WNT2: variants seen among roughly 807,000 people sequenced by gnomAD.
WNT2 encodes the protein protein Wnt-2.
WNT2 carries 12 observed loss-of-function variants against 36.9 expected under a neutral mutation model. The ratio of observed to expected loss-of-function variants is 0.33; its 90% confidence interval spans 0.21 to 0.53. The LOEUF is 0.53. WNT2 is among the 20% of genes least tolerant of loss of function. The pLI is 0.95. For synonymous variants in WNT2, 163 were observed against 174.6 expected (o/e 0.93, Z 0.52); for missense variants, 379 against 473.1 (o/e 0.80, Z 1.84).
intron 4 of WNT2, among the ~76,000 whole-genome samples, chr7:117,285,774 G>C (rs999254953): frequency 6.6e-6 from 1 of 152,170 alleles, no homozygotes; most frequent in Non-Finnish European, 1.5e-5. Context: ...TCTTATTGCA[G>C]TTTGATTTAC....
At chr7:117,303,725 C>T (rs1310727782) in intron 3 of WNT2, among the ~76,000 whole-genome samples, 1 of 152,218 alleles carries the variant, frequency 6.6e-6, no homozygotes, top group Admixed American at 6.5e-5. Flanking sequence ...ATATTATTAA[C>T]TGCACAGCCA....
rs549135652 is a variant in WNT2 at position 117,306,293 on chromosome 7, T to C, written c.589-8417A>G. On this transcript the variant is annotated intron_variant, in intron 3 of 4. Coordinates refer to ENST00000265441, the MANE Select transcript of WNT2 (RefSeq NM_003391.3). ...CACATTCTTGAGTCAGTTTGCACTT[T>C]GAAATGTTCTGGAAGGAGACAAGGA... 4.6e-5 allele frequency among the ~76,000 whole-genome samples: 7 copies of C among 152,332 alleles called. No individual in the cohort carries two copies. In the East Asian group the frequency reaches 5.8e-4, roughly 13 times the overall value.
rs377333523 is a variant in WNT2, at chr7:117,293,239, A to G, written c.853+4373T>C. ...AAAGTAGACCAGACCTGTAGACTGC[A>G]TCAGTTGCACAAACCTAATTGATAA... On this transcript the variant is annotated intron_variant, in intron 4 of 4. Transcript: ENST00000265441. Among the ~76,000 whole-genome samples, 42 of 152,336 alleles carry G rather than the reference A, an allele frequency of 2.8e-4. No homozygotes were observed. The South Asian group carries it at 8.1e-3, about 29-fold the overall frequency.
rs750548141 is a variant in WNT2, at chr7:117,284,996, G to A, written c.854-6612C>T. Among the ~76,000 whole-genome samples, 75 of 152,174 alleles carry A rather than the reference G, an allele frequency of 4.9e-4. 1 individual carries two copies. Among genetic ancestry groups the A allele is most frequent in the Non-Finnish European group, 8.2e-4 (56 of 68,022 alleles). ...TGCCGAGTGCCCAGTCCTGGTGCCC[G>A]GCCAGGCACCAGAAAGCAGCCTGCT... On this transcript the variant is annotated intron_variant, in intron 4 of 4. Coordinates refer to ENST00000265441, the MANE Select transcript of WNT2 (RefSeq NM_003391.3). This position sits in a 1 kb window ranked among gnomAD's most constrained non-coding sequence, Gnocchi z 5.2.
At chr7:117,311,962 G>A (rs959784466) in intron 3 of WNT2, among the ~76,000 whole-genome samples, 1 of 152,092 alleles carries the variant, frequency 6.6e-6, no homozygotes, top group Admixed American at 6.6e-5. Context: ...CACCTTTTAG[G>A]GAAAGTATTT....
At chr7:117,316,101 A>C (rs573795295) in intron 2 of WNT2, among the ~76,000 whole-genome samples, 1 of 152,310 alleles carries the variant, frequency 6.6e-6, no homozygotes, top group African/African-American at 2.4e-5. Context: ...GACAGTGAAA[A>C]GTTTTTCTTT....
chr7:117,277,779 GAA>G lies in WNT2; in HGVS notation c.*374_*375del, dbSNP rs1479937925. On this transcript the variant is annotated 3_prime_UTR_variant, in exon 5 of 5. Transcript: ENST00000265441. ...GGGACCATTTGTGGGAAGACATTGA[GAA>G]AGCTCCTTTGAGACACTTTTTTTTC... The G allele has an allele frequency of 4.8e-6, 1 of 207,624 alleles. No individual in the cohort carries two copies. The highest frequency in any genetic ancestry group is 2.3e-5 in the African/African-American group (1 of 43,744). 12.9% of individuals were successfully genotyped at this position (207,624 alleles called of 1,614,324 possible). A position where few individuals can be genotyped will look rare whatever the true frequency, so the allele number is the denominator to read the frequency against.
intron 4 of WNT2, among the ~76,000 whole-genome samples, chr7:117,293,095 C>T (rs748981210): frequency 3.4e-4 from 51 of 151,482 alleles, no homozygotes; most frequent in Admixed American, 1.1e-3. Context: ...GCAGTCTGGG[C>T]AACAGAGCAA....
At chr7:117,301,572 C>A (rs888578577) in intron 3 of WNT2, among the ~76,000 whole-genome samples, 2 of 152,172 alleles carry the variant, frequency 1.3e-5, no homozygotes, top group African/African-American at 4.8e-5. Flanking sequence ...CTAATTATCA[C>A]CGTCAGGCAA....
intron 4 of WNT2, among the ~76,000 whole-genome samples, chr7:117,286,828 A>G (rs1794590213): frequency 6.6e-6 from 1 of 152,230 alleles, no homozygotes; most frequent in South Asian, 2.1e-4. Context: ...TAAGTTGGAA[A>G]AGTTTGACTG....
At chr7:117,290,449 C>G (rs897705335) in intron 4 of WNT2, among the ~76,000 whole-genome samples, 1 of 152,170 alleles carries the variant, frequency 6.6e-6, no homozygotes, top group Non-Finnish European at 1.5e-5. Context: ...ACTACTAATT[C>G]TAGAGTATAA....
chr7:117,283,467 C>T (rs967961996), intron 4 of WNT2, among the ~76,000 whole-genome samples: 1 of 152,212 alleles, frequency 6.6e-6, no homozygotes, highest in East Asian at 1.9e-4. Context: ...TGAAGTGTCT[C>T]GTTCCTGACT....
intron 2 of WNT2, among the ~76,000 whole-genome samples, chr7:117,318,100 A>G (rs1489615031): frequency 6.6e-6 from 1 of 152,236 alleles, no homozygotes; most frequent in Non-Finnish European, 1.5e-5. Flanking sequence ...CTAAAGTCAA[A>G]CAGGCAAATG....
intron 4 of WNT2, among the ~76,000 whole-genome samples, chr7:117,282,604 T>C (rs1228076198): frequency 6.6e-6 from 1 of 152,196 alleles, no homozygotes; most frequent in African/African-American, 2.4e-5. Flanking sequence ...GTGGCTGGTA[T>C]ACAGTACTCA....
intron 1 of WNT2, among the ~76,000 whole-genome samples, chr7:117,321,475 G>C (rs1303001495): frequency 6.6e-6 from 1 of 152,228 alleles, no homozygotes; most frequent in East Asian, 1.9e-4. Flanking sequence ...ACTCCATAAA[G>C]TACTTTTTGA....
At chr7:117,309,518 T>A (rs1455646298) in intron 3 of WNT2, among the ~76,000 whole-genome samples, 3 of 152,238 alleles carry the variant, frequency 2.0e-5, no homozygotes, top group African/African-American at 7.2e-5. Context: ...ATATATTCAA[T>A]TTATTTGCTG....
At chr7:117,300,222 C>G (rs903492508) in intron 3 of WNT2, among the ~76,000 whole-genome samples, 9 of 152,138 alleles carry the variant, frequency 5.9e-5, no homozygotes, top group Non-Finnish European at 5.9e-5. Flanking sequence ...GTGTCTTGCT[C>G]TGTTGCCAGG....
At chr7:117,287,347 C>A (rs1794603036) in intron 4 of WNT2, among the ~76,000 whole-genome samples, 1 of 151,996 alleles carries the variant, frequency 6.6e-6, no homozygotes, top group Non-Finnish European at 1.5e-5. Context: ...TGTCTCAAAA[C>A]AAAAACAAAA....
intron 2 of WNT2, among the ~76,000 whole-genome samples, chr7:117,320,286 A>G (rs1259761295): frequency 1.3e-5 from 2 of 152,174 alleles, no homozygotes; most frequent in African/African-American, 2.4e-5. Flanking sequence ...CGAAGTCTGA[A>G]CCTGGAGGAT....
Sources: allele counts gnomAD v4.1 joint callset (sites outside exome capture counted in the v4.1 genomes callset), GRCh38; gene constraint gnomAD v4.1.1; non-coding constraint Gnocchi (gnomAD v3.1); transcripts MANE v1.5; gene names NCBI Gene and HGNC (gene_info 2026-07-23, HGNC 2026-07-21).